The following COPZ2 variants were observed in gnomAD, a reference collection of about 807,000 sequenced individuals.
COPZ2 encodes the protein coatomer subunit zeta-2.
A neutral mutation model predicts 33.2 loss-of-function variants in COPZ2; 30 were observed. That is an observed-to-expected ratio of 0.90 (90% CI 0.68 to 1.23). COPZ2 has a LOEUF of 1.23. COPZ2 is among the 50% of genes most tolerant of loss of function. The pLI is 0.00. For missense variants in COPZ2, 263 were observed against 262.4 expected (o/e 1.00, Z -0.02); for synonymous variants, 89 against 102.6 (o/e 0.87, Z 0.80).
chr17:48,037,285 G>A lies in COPZ2; in HGVS notation c.112-360C>T, dbSNP rs771456450. The A allele has an allele frequency of 3.8e-6, 2 of 523,692 alleles. No homozygotes were observed. The highest frequency in any genetic ancestry group is 1.6e-5 in the South Asian group (1 of 62,718). 32.4% of individuals were successfully genotyped at this position (523,692 alleles called of 1,614,324 possible). On this transcript the variant is annotated intron_variant, in intron 1 of 8. Coordinates refer to ENST00000621465, the MANE Select transcript of COPZ2 (RefSeq NM_016429.4). The surrounding 1 kb of genome is among the most constrained non-coding windows in gnomAD (Gnocchi z 5.6). ...TCCTTCTTCCAGCTGATCCCTGGCC[G>A]GGCTGGACCTGCGCTATCAGCGCGC...
At chr17:48,040,481 G>A (rs968142012), upstream of COPZ2, among the ~76,000 whole-genome samples, 11 of 148,134 alleles carry the variant, frequency 7.4e-5, no homozygotes, top group Admixed American at 6.8e-4. Flanking sequence ...TCACCAGGCT[G>A]GAGTGCAGTG....
the COPZ2 span, chr17:48,047,620 C>T: frequency 6.6e-6 from 1 of 151,420 alleles, no homozygotes; most frequent in South Asian, 2.1e-4. Flanking sequence ...GCCATTACCC[C>T]ACACCTCTCA....
intron 5 of COPZ2, 53 bp from the exon 6 acceptor site, chr17:48,032,286 C>T: frequency 1.3e-6 from 2 of 1,513,348 alleles, no homozygotes; most frequent in South Asian, 2.4e-5. Flanking sequence ...GGAACTGAGT[C>T]CCTGCCTAGG....
chr17:48,039,155 T>A (rs893722891), upstream of COPZ2, among the ~76,000 whole-genome samples: 8 of 152,024 alleles, frequency 5.3e-5, no homozygotes, highest in African/African-American at 1.9e-4. Context: ...TTTATTTTTT[T>A]ATTTTTTTTA....
At chr17:48,026,564 C>T in intron 8 of COPZ2, 89 bp from the exon 9 acceptor site, 1 of 927,170 alleles carries the variant, frequency 1.1e-6, no homozygotes, top group Non-Finnish European at 1.7e-6. Flanking sequence ...CCCACCTTGC[C>T]GAAGCGCCCC....
chr17:48,029,238 T>G (rs1450600277), intron 6 of COPZ2, 62 bp from the exon 7 acceptor site: 4 of 1,470,966 alleles, frequency 2.7e-6, no homozygotes, highest in Non-Finnish European at 3.7e-6. Context: ...CTCCGCCCCT[T>G]CTCCTTGCCA....
chr17:48,043,046 CAT>C, the COPZ2 span, among the ~76,000 whole-genome samples: 8 of 152,258 alleles, frequency 5.3e-5, no homozygotes, highest in Non-Finnish European at 8.8e-5. Flanking sequence ...GCTGGCAGCA[CAT>C]GAGAAGCATG....
At chr17:48,040,209 C>T (rs927545156), upstream of COPZ2, among the ~76,000 whole-genome samples, 7 of 140,510 alleles carry the variant, frequency 5.0e-5, no homozygotes, top group Non-Finnish European at 9.0e-5. Flanking sequence ...GTAGGTGGGA[C>T]GATACACACG....
At chr17:48,026,528 A>G (rs1415913984) in intron 8 of COPZ2, 53 bp from the exon 9 acceptor site, 2 of 1,337,194 alleles carry the variant, frequency 1.5e-6, no homozygotes, top group Non-Finnish European at 2.1e-6. Flanking sequence ...AAATGCCTCC[A>G]TACACAGTCA....
chr17:48,035,811 T>C (rs2036974998), intron 2 of COPZ2, among the ~76,000 whole-genome samples: 1 of 149,870 alleles, frequency 6.7e-6, no homozygotes, highest in Non-Finnish European at 1.5e-5. Flanking sequence ...TGGAGTGCAA[T>C]GGTGTGATCT....
rs2036855568 is a variant in COPZ2, at chr17:48,029,106, T to A, written c.546+19A>T. On this transcript the variant is annotated intron_variant, in intron 7 of 8. Coordinates refer to ENST00000621465, the MANE Select transcript of COPZ2 (RefSeq NM_016429.4). ...AGGAAGGGCAGCCTAAAAGAGGAGG[T>A]GTCCAGGAAGACTCTTACCCTAAAA... is the stretch of plus-strand genomic sequence containing the variant. 1.3e-6 allele frequency: 2 copies of A among 1,567,516 alleles called. No homozygotes were observed. The highest frequency in any genetic ancestry group is 1.7e-6 in the Non-Finnish European group (2 of 1,155,854).
At chr17:48,027,314 A>G (rs1431858865) in intron 8 of COPZ2, among the ~76,000 whole-genome samples, 1 of 152,210 alleles carries the variant, frequency 6.6e-6, no homozygotes, top group African/African-American at 2.4e-5. Context: ...AGAAATACTG[A>G]TGGTTATTCA....
At chr17:48,032,050 G>A in intron 6 of COPZ2, 106 bp downstream of exon 6, 2 of 832,802 alleles carry the variant, frequency 2.4e-6, no homozygotes, top group Non-Finnish European at 4.0e-6. Context: ...GCTGGGGGAA[G>A]GGAGTGAGAA....
At chr17:48,047,119 G>A in the COPZ2 span, 2 of 152,142 alleles carry the variant, frequency 1.3e-5, no homozygotes, top group Non-Finnish European at 2.9e-5. Flanking sequence ...CCCAAATTAA[G>A]CCCCTAACTC....
chr17:48,045,402 G>A, the COPZ2 span: 2 of 152,168 alleles, frequency 1.3e-5, no homozygotes, highest in Non-Finnish European at 2.9e-5. Flanking sequence ...CTTCTCTGAG[G>A]ATTCCTGGCA....
chr17:48,043,422 G>A, the COPZ2 span: 1 of 667,230 alleles, frequency 1.5e-6, no homozygotes, highest in Non-Finnish European at 1.9e-6. Flanking sequence ...AGAAGAAACA[G>A]CTCCCTTGGG....
upstream of COPZ2, chr17:48,037,906 G>A: frequency 1.1e-6 from 1 of 933,674 alleles, no homozygotes; most frequent in Non-Finnish European, 1.3e-6. The surrounding 1 kb of genome is among the most constrained non-coding windows in gnomAD (Gnocchi z 5.6). Context: ...CCTCTTGCTC[G>A]TTCTCCCCCA....
intron 5 of COPZ2, 40 bp downstream of exon 5, chr17:48,032,646 C>T (rs2036911016): frequency 5.3e-6 from 8 of 1,511,956 alleles, no homozygotes; most frequent in Non-Finnish European, 7.2e-6. Context: ...ATATCAGGGC[C>T]AGGGGGATGG....
intron 2 of COPZ2, among the ~76,000 whole-genome samples, chr17:48,034,749 G>A (rs1401486231): frequency 3.3e-5 from 5 of 152,136 alleles, no homozygotes; most frequent in South Asian, 2.1e-4. Context: ...TTGGGAGGCC[G>A]AGGCGGGTGG....
Sources: gnomAD v4.1 joint callset for allele counts (sites outside exome capture counted in the v4.1 genomes callset) on GRCh38, gnomAD v4.1.1 for gene constraint, Gnocchi (gnomAD v3.1) non-coding constraint, MANE v1.5 for transcripts, NCBI Gene and HGNC (gene_info 2026-07-23, HGNC 2026-07-21) for gene names.